The following KCNU1 variants were observed in gnomAD, a reference collection of about 807,000 sequenced individuals.
The protein encoded by KCNU1 is potassium calcium-activated channel subfamily U member 1, also known as potassium channel subfamily U member 1.
KCNU1 carries 93 observed loss-of-function variants against 126.8 expected under a neutral mutation model. The observed-to-expected ratio is 0.73, with a 90% CI of 0.62 to 0.87. The LOEUF is 0.87. Among genes scored for constraint, KCNU1 ranks in the 40% least tolerant of loss-of-function variants. The probability of loss-of-function intolerance (pLI) is 0.00; values close to 1 mark genes in which losing one functional copy is unlikely to be tolerated. For synonymous variants in KCNU1, 523 were observed against 494.2 expected (o/e 1.06, Z -0.77); for missense variants, 1,330 against 1,367.1 (o/e 0.97, Z 0.43).
At chr8:36,840,788 A>G in intron 15 of KCNU1, 144 bp from the exon 16 acceptor site, 1 of 698,686 alleles carries the variant, frequency 1.4e-6, no homozygotes, top group East Asian at 2.7e-5. Context: ...CTTTAGGTGG[A>G]TTCACTTACA....
At chr8:36,808,204 G>T (rs1803576865) in intron 6 of KCNU1, among the ~76,000 whole-genome samples, 1 of 152,084 alleles carries the variant, frequency 6.6e-6, no homozygotes, top group Admixed American at 6.6e-5. Flanking sequence ...GGTGACAAGG[G>T]CCCCTCTGAT....
chr8:36,800,478 C>T (rs1166031735), intron 2 of KCNU1, among the ~76,000 whole-genome samples: 1 of 152,196 alleles, frequency 6.6e-6, no homozygotes, highest in Non-Finnish European at 1.5e-5. Context: ...TCTTTGACTT[C>T]TTTCTGATGT....
Position 36,833,642 on chromosome 8 carries a change from G to C in KCNU1, c.1195G>C (p.Asp399His), listed in dbSNP as rs779278164. 6.2e-7 allele frequency: 1 copy of C among 1,607,696 alleles called. No homozygotes were observed. Among genetic ancestry groups the C allele is most frequent in the East Asian group, 2.2e-5 (1 of 44,730 alleles). ...TTCTGGATCTGCAATGAAGTGGGAG[G>C]ATCTGAGGCGAGTTGCGGTAAGATC... ...FISGSAMKWE[D>H]LRRVAVESAE... The change falls in exon 11 of 27, where the codon GAT (aspartate) becomes CAT (histidine). Residue 399 changes from aspartate to histidine, a missense_variant. Physicochemically the swap from Asp to His is moderately conservative, Grantham distance 81. Around this residue, in one of 3 missense-constraint regions of KCNU1, gnomAD observed 1,054 missense variants for 1,053.9 expected, o/e 1.00. Transcript: ENST00000399881.
chr8:36,917,529 T>A (rs1355304482), intron 22 of KCNU1, among the ~76,000 whole-genome samples: 2 of 151,236 alleles, frequency 1.3e-5, no homozygotes, highest in African/African-American at 2.4e-5. Context: ...TTTTTTTTTT[T>A]AATTTTTGTA....
intron 21 of KCNU1, among the ~76,000 whole-genome samples, chr8:36,910,629 C>T (rs569786968): frequency 2.0e-5 from 3 of 152,268 alleles, no homozygotes; most frequent in African/African-American, 7.2e-5. Context: ...TTACCCTGAC[C>T]CTACTCTCTT....
intron 19 of KCNU1, chr8:36,888,784 A>T (rs745378627): frequency 3.8e-6 from 2 of 531,400 alleles, no homozygotes; most frequent in Admixed American, 2.0e-5. Flanking sequence ...TCAACGAAAA[A>T]CTTGAAGAAC....
intron 10 of KCNU1, among the ~76,000 whole-genome samples, chr8:36,831,370 C>T (rs1200245351): frequency 6.6e-6 from 1 of 151,506 alleles, no homozygotes; most frequent in Non-Finnish European, 1.5e-5. Flanking sequence ...TTTACAGTCC[C>T]ACCAACAGTG....
intron 19 of KCNU1, among the ~76,000 whole-genome samples, chr8:36,875,605 C>G (rs1806253329): frequency 6.6e-6 from 1 of 151,704 alleles, no homozygotes; most frequent in Non-Finnish European, 1.5e-5. Flanking sequence ...AAATGACCTT[C>G]CAAAATAAAA....
chr8:36,856,112 C>T (rs1805520701), intron 18 of KCNU1, among the ~76,000 whole-genome samples: 1 of 152,062 alleles, frequency 6.6e-6, no homozygotes, highest in Admixed American at 6.6e-5. Flanking sequence ...CTATTTTGTT[C>T]TTCTTAAAAT....
chr8:36,889,763 C>A (rs1214746310), intron 19 of KCNU1, among the ~76,000 whole-genome samples: 1 of 151,846 alleles, frequency 6.6e-6, no homozygotes, highest in Non-Finnish European at 1.5e-5. Flanking sequence ...ACCCACAGAC[C>A]TGGAAAGCTC....
chr8:36,786,908 G>C (rs550346564), intron 1 of KCNU1, among the ~76,000 whole-genome samples: 1 of 152,240 alleles, frequency 6.6e-6, no homozygotes, highest in South Asian at 2.1e-4. Context: ...TAAGTAATCA[G>C]CTAAAAAATC....
chr8:36,902,709 A>G (rs1223246451), intron 19 of KCNU1, among the ~76,000 whole-genome samples: 1 of 152,086 alleles, frequency 6.6e-6, no homozygotes, highest in African/African-American at 2.4e-5. Context: ...CAATGCTCCA[A>G]ATCCTGATGA....
intron 19 of KCNU1, among the ~76,000 whole-genome samples, chr8:36,885,204 G>T (rs1199882929): frequency 6.6e-6 from 1 of 152,110 alleles, no homozygotes; most frequent in Non-Finnish European, 1.5e-5. Flanking sequence ...CCAATGAAAG[G>T]CCTAGAAAAA....
intron 20 of KCNU1, among the ~76,000 whole-genome samples, chr8:36,908,337 G>A (rs1333649435): frequency 6.6e-6 from 1 of 152,108 alleles, no homozygotes; most frequent in Non-Finnish European, 1.5e-5. Context: ...AATGCTGATA[G>A]TAGTATGAGA....
At chr8:36,786,905 T>G (rs1347651779) in intron 1 of KCNU1, among the ~76,000 whole-genome samples, 1 of 152,184 alleles carries the variant, frequency 6.6e-6, no homozygotes, top group Non-Finnish European at 1.5e-5. Flanking sequence ...ACTTAAGTAA[T>G]CAGCTAAAAA....
chr8:36,858,015 G>C (rs768032129), intron 18 of KCNU1, among the ~76,000 whole-genome samples: 1 of 152,024 alleles, frequency 6.6e-6, no homozygotes, highest in African/African-American at 2.4e-5. Flanking sequence ...GTTTGTTTAT[G>C]TTTTGATAAT....
chr8:36,851,285 T>C (rs1805333750), intron 18 of KCNU1, among the ~76,000 whole-genome samples: 3 of 151,872 alleles, frequency 2.0e-5, no homozygotes, highest in South Asian at 2.1e-4. Context: ...TGGTGAGAGG[T>C]GATTGATTAT....
intron 13 of KCNU1, among the ~76,000 whole-genome samples, 151 bp downstream of exon 13, chr8:36,836,516 T>C (rs1206144996): frequency 6.6e-6 from 1 of 152,180 alleles, no homozygotes; most frequent in African/African-American, 2.4e-5. Flanking sequence ...CACTTAACAA[T>C]GTAAATTGGG....
intron 24 of KCNU1, among the ~76,000 whole-genome samples, chr8:36,927,410 G>C (rs549986325): frequency 6.6e-6 from 1 of 152,156 alleles, no homozygotes; most frequent in South Asian, 2.1e-4. Context: ...AAATATGGTG[G>C]GGCAGCCAGG....
Sources: gnomAD v4.1 joint callset for allele counts (sites outside exome capture counted in the v4.1 genomes callset) on GRCh38, gnomAD v4.1.1 for gene constraint, gnomAD v4.1.1 regional missense constraint, MANE v1.5 for transcripts, NCBI Gene and HGNC (gene_info 2026-07-23, HGNC 2026-07-21) for gene names.